The following ARHGEF10 variants were observed in gnomAD, a reference collection of about 807,000 sequenced individuals.
ARHGEF10 encodes the protein Rho guanine nucleotide exchange factor (GEF) 10.
ARHGEF10 carries 140 observed loss-of-function variants against 147.4 expected under a neutral mutation model. That is an observed-to-expected ratio of 0.95 (90% CI 0.83 to 1.09). The LOEUF is 1.09. Ranked by LOEUF, ARHGEF10 falls within the 50% of genes least tolerant of loss-of-function variation. The pLI is 0.00. For synonymous variants in ARHGEF10, 902 were observed against 695.8 expected, an observed-to-expected ratio of 1.30 and a Z score of -4.67; for missense variants, 2,222 against 1,752.7, an observed-to-expected ratio of 1.27 and a Z score of -4.78.
chr8:1,953,440 C>T (rs1300299701), intron 28 of ARHGEF10, among the ~76,000 whole-genome samples: 1 of 152,210 alleles, frequency 6.6e-6, no homozygotes, highest in Non-Finnish European at 1.5e-5. Context: ...CTCCATTGTG[C>T]TATTGCAATG....
intron 1 of ARHGEF10, among the ~76,000 whole-genome samples, 168 bp downstream of exon 1, chr8:1,824,281 C>G (rs1486699600): frequency 6.6e-6 from 1 of 152,096 alleles, no homozygotes; most frequent in East Asian, 2.0e-4. Flanking sequence ...CCCCCTCCCC[C>G]CGAGCAGCTC....
At chr8:1,903,234 G>T in intron 15 of ARHGEF10, 47 bp from the exon 16 acceptor site, 1 of 1,609,076 alleles carries the variant, frequency 6.2e-7, no homozygotes, top group Non-Finnish European at 8.5e-7. Flanking sequence ...TTGTTGCACT[G>T]GGAGTGTCCA....
At chr8:1,868,096 G>C (rs1273667450) in intron 6 of ARHGEF10, among the ~76,000 whole-genome samples, 1 of 152,162 alleles carries the variant, frequency 6.6e-6, no homozygotes, top group African/African-American at 2.4e-5. Flanking sequence ...CTCTAAACTA[G>C]CAGTCTCTGA....
At chr8:1,830,279 C>T (rs1031316688) in intron 1 of ARHGEF10, among the ~76,000 whole-genome samples, 1 of 152,136 alleles carries the variant, frequency 6.6e-6, no homozygotes. Context: ...GCTCATTTCC[C>T]GTGGGGCCCA....
At chr8:1,848,989 A>G (rs1430055388) in intron 2 of ARHGEF10, among the ~76,000 whole-genome samples, 1 of 152,074 alleles carries the variant, frequency 6.6e-6, no homozygotes, top group Non-Finnish European at 1.5e-5. Flanking sequence ...CCGTTTACCT[A>G]TTTAACTTGT....
At chr8:1,903,625 G>A in intron 16 of ARHGEF10, 174 bp downstream of exon 16, 1 of 751,590 alleles carries the variant, frequency 1.3e-6, no homozygotes, top group Admixed American at 2.5e-5. Flanking sequence ...TGTGGAAATT[G>A]TATGTAAAAC....
intron 1 of ARHGEF10, among the ~76,000 whole-genome samples, chr8:1,838,260 G>T (rs1803711193): frequency 6.6e-6 from 1 of 152,240 alleles, no homozygotes; most frequent in Non-Finnish European, 1.5e-5. Flanking sequence ...CCCAGGGAAA[G>T]ATGACATCAA....
intron 6 of ARHGEF10, 72 bp from the exon 7 acceptor site, chr8:1,869,121 TG>T: frequency 7.6e-7 from 1 of 1,311,444 alleles, no homozygotes; most frequent in Non-Finnish European, 1.1e-6. Flanking sequence ...TCGGCGACTG[TG>T]GCCCTGTAAA....
At chr8:1,928,236 T>C (rs1812833481) in intron 23 of ARHGEF10, among the ~76,000 whole-genome samples, 191 bp from the exon 24 acceptor site, 1 of 152,188 alleles carries the variant, frequency 6.6e-6, no homozygotes, top group Non-Finnish European at 1.5e-5. Flanking sequence ...TTTTGAAAAC[T>C]GAATTAAATG....
intron 7 of ARHGEF10, chr8:1,869,775 A>G (rs766267869): frequency 5.9e-5 from 12 of 203,332 alleles, no homozygotes; most frequent in Non-Finnish European, 1.1e-4. Context: ...GCAACTGGAG[A>G]GAAAACATGG....
chr8:1,946,229 G>A lies in ARHGEF10; in HGVS notation c.3397+574G>A, dbSNP rs549167664. 1.2e-4 allele frequency among the ~76,000 whole-genome samples: 18 copies of A among 152,322 alleles called. No homozygotes were observed. In the South Asian group the frequency reaches 2.5e-3, roughly 21 times the overall value. On this transcript the variant is annotated intron_variant, in intron 27 of 28. Transcript: ENST00000349830. ...CAACCGGCTTCTTTCACGGGTAGCC[G>A]GAGGCCGCTGTGGGGTCCGTGGAAG...
At chr8:1,844,592 C>T (rs1804400279) in intron 2 of ARHGEF10, among the ~76,000 whole-genome samples, 1 of 152,118 alleles carries the variant, frequency 6.6e-6, no homozygotes, top group African/African-American at 2.4e-5. Context: ...TCTCCGGAGC[C>T]GCAAGACCAC....
intron 18 of ARHGEF10, among the ~76,000 whole-genome samples, chr8:1,910,539 C>G (rs1465704566): frequency 5.9e-5 from 9 of 152,122 alleles, no homozygotes; most frequent in Admixed American, 5.9e-4. Context: ...ACCCTCTCCA[C>G]AAATAACTGA....
chr8:1,923,796 A>T lies in ARHGEF10; in HGVS notation c.2410A>T (p.Thr804Ser), dbSNP rs369754419. ...QDKSGRPTFFTAVFNTFTPAI... is the reference protein window; with the variant it reads ...QDKSGRPTFFSAVFNTFTPAI... Reference sequence around the variant, plus strand: ...CAGATCTGGGCGACCGACGTTCTTTACAGCTGTGTTCAATACGTTCACCCC... The same window carrying T: ...CAGATCTGGGCGACCGACGTTCTTTTCAGCTGTGTTCAATACGTTCACCCC... The change falls in exon 21 of 29, where the codon ACA becomes TCA. Residue 804 changes from threonine to serine, a missense_variant. Physicochemically the swap from Thr to Ser is moderately conservative, Grantham distance 58 (BLOSUM62 1). Transcript: ENST00000349830. 14 of 1,614,034 alleles carry T rather than the reference A, an allele frequency of 8.7e-6. No individual in the cohort carries two copies. The highest frequency in any genetic ancestry group is 1.0e-5 in the Non-Finnish European group (12 of 1,180,040).
At chr8:1,917,573 C>T (rs113298267) in intron 18 of ARHGEF10, among the ~76,000 whole-genome samples, 1 of 152,046 alleles carries the variant, frequency 6.6e-6, no homozygotes, top group Non-Finnish European at 1.5e-5. Flanking sequence ...AAACAGATTG[C>T]AGGGATTTCC....
intron 15 of ARHGEF10, among the ~76,000 whole-genome samples, chr8:1,900,265 C>G (rs890134025): frequency 1.3e-5 from 2 of 152,100 alleles, no homozygotes; most frequent in African/African-American, 2.4e-5. Context: ...CGGAACAGGA[C>G]AGAGAACCGC....
chr8:1,955,597 C>T (rs1164033510), intron 28 of ARHGEF10, among the ~76,000 whole-genome samples: 2 of 151,366 alleles, frequency 1.3e-5, no homozygotes, highest in Non-Finnish European at 2.9e-5. Flanking sequence ...AGGAGGTGCA[C>T]TCTCACTGTT....
At chr8:1,869,076 C>G in intron 6 of ARHGEF10, 118 bp from the exon 7 acceptor site, 6 of 983,344 alleles carry the variant, frequency 6.1e-6, no homozygotes, top group South Asian at 1.3e-5. Flanking sequence ...AAAAACTACC[C>G]TTATAAACCA....
intron 6 of ARHGEF10, among the ~76,000 whole-genome samples, chr8:1,866,845 T>A (rs1806664888): frequency 6.6e-6 from 1 of 152,236 alleles, no homozygotes; most frequent in Non-Finnish European, 1.5e-5. Context: ...TGGTCGTTTC[T>A]TTCTAGCACA....
Sources: gnomAD v4.1 joint callset for allele counts (sites outside exome capture counted in the v4.1 genomes callset) on GRCh38, gnomAD v4.1.1 for gene constraint, MANE v1.5 for transcripts, NCBI Gene and HGNC (gene_info 2026-07-23, HGNC 2026-07-21) for gene names.